The following ZNRF3 variants were observed in gnomAD, a reference collection of about 807,000 sequenced individuals.
ZNRF3 encodes E3 ubiquitin-protein ligase ZNRF3.
ZNRF3 carries 23 observed loss-of-function variants against 72.5 expected under a neutral mutation model. The ratio of observed to expected loss-of-function variants is 0.32; its 90% CI spans 0.23 to 0.45. The LOEUF is 0.45. Among genes scored for constraint, ZNRF3 ranks in the 20% least tolerant of loss-of-function variants. ZNRF3 has a pLI of 1.00. For missense variants in ZNRF3, 1,169 were observed against 1,272.1 expected (o/e 0.92, Z 1.23); for synonymous variants, 610 against 545.3 (o/e 1.12, Z -1.65).
chr22:29,003,513 CAA>C (rs796336147), intron 2 of ZNRF3, among the ~76,000 whole-genome samples: 25 of 103,088 alleles, frequency 2.4e-4, no homozygotes, highest in Non-Finnish European at 2.5e-4. Flanking sequence ...GACTCCGACT[CAA>C]AAAAAAAAAA....
chr22:28,941,490 C>T (rs1177073436), intron 1 of ZNRF3, among the ~76,000 whole-genome samples: 1 of 152,038 alleles, frequency 6.6e-6, no homozygotes, highest in Non-Finnish European at 1.5e-5. Context: ...TTCTCTTTTC[C>T]ACTTGGCTGA....
intron 1 of ZNRF3, among the ~76,000 whole-genome samples, chr22:28,939,355 T>C (rs1228447606): frequency 6.6e-6 from 1 of 151,642 alleles, no homozygotes; most frequent in South Asian, 2.1e-4. Flanking sequence ...AATAAATACA[T>C]ATAAGAAGTA....
At chr22:28,910,525 G>A (rs1006836067) in intron 1 of ZNRF3, among the ~76,000 whole-genome samples, 1 of 152,198 alleles carries the variant, frequency 6.6e-6, no homozygotes, top group African/African-American at 2.4e-5. Context: ...TCTGGCTGTG[G>A]TTTGCTTTCT....
intron 2 of ZNRF3, among the ~76,000 whole-genome samples, chr22:28,995,171 C>T (rs532840954): frequency 2.0e-5 from 3 of 152,318 alleles, no homozygotes; most frequent in East Asian, 1.9e-4. Context: ...GGGTGGCTCA[C>T]GCCTGTAATC....
At chr22:28,955,050 T>TG (rs1264400806) in intron 1 of ZNRF3, among the ~76,000 whole-genome samples, 19 of 150,668 alleles carry the variant, frequency 1.3e-4, no homozygotes, top group African/African-American at 4.4e-4. Flanking sequence ...TTTTTTGTTT[T>TG]TTTTTTTTGA....
intron 1 of ZNRF3, among the ~76,000 whole-genome samples, chr22:28,971,717 T>A (rs943458060): frequency 6.6e-6 from 1 of 152,126 alleles, no homozygotes; most frequent in African/African-American, 2.4e-5. Flanking sequence ...AAATAAGAAA[T>A]TTTTAAGAGA....
At chr22:28,956,353 C>CTTTTTT (rs61155224) in intron 1 of ZNRF3, among the ~76,000 whole-genome samples, 8 of 110,432 alleles carry the variant, frequency 7.2e-5, no homozygotes, top group Non-Finnish European at 1.1e-4. Flanking sequence ...TTTCCATTTC[C>CTTTTTT]TTTTTTTTTT....
intron 2 of ZNRF3, among the ~76,000 whole-genome samples, chr22:29,005,705 G>A (rs1240931846): frequency 3.9e-5 from 6 of 152,160 alleles, no homozygotes; most frequent in Non-Finnish European, 1.5e-5. Context: ...GGGGAATGAA[G>A]CCTCTCACAT....
At chr22:29,020,078 A>G (rs2036503757) in intron 2 of ZNRF3, among the ~76,000 whole-genome samples, 1 of 151,840 alleles carries the variant, frequency 6.6e-6, no homozygotes, top group African/African-American at 2.4e-5. Flanking sequence ...TGGCGGTAGT[A>G]TTTGCATATA....
At position 29,048,555 on chromosome 22, in the gene ZNRF3, C is replaced by A; in HGVS notation, c.1015+64C>A. 1 of 1,528,188 alleles carries A rather than the reference C, an allele frequency of 6.5e-7. No individual in the cohort carries two copies. Among genetic ancestry groups the A allele is most frequent in the South Asian group, 1.1e-5 (1 of 88,220 alleles). 94.7% of individuals were successfully genotyped at this position (1,528,188 alleles called of 1,614,324 possible). On this transcript the variant is annotated intron_variant, in intron 7 of 8. Coordinates refer to ENST00000544604, the MANE Select transcript of ZNRF3 (RefSeq NM_001206998.2). This position sits in a 1 kb window ranked among gnomAD's most constrained non-coding sequence, Gnocchi z 4.9. ...GTGCCTAGCTAGAGTGTGACACACACCGCAGGCTTGGGAACACTCAGAACC... is the reference window on the plus strand; with the variant it reads ...GTGCCTAGCTAGAGTGTGACACACAACGCAGGCTTGGGAACACTCAGAACC...
intron 3 of ZNRF3, among the ~76,000 whole-genome samples, 197 bp downstream of exon 3, chr22:29,042,766 A>AGG (rs67028298): frequency 6.6e-6 from 1 of 151,504 alleles, no homozygotes. Context: ...ATTGGGGCAC[A>AGG]GGGGGCATTT....
chr22:28,893,440 C>A (rs1269676443), intron 1 of ZNRF3, among the ~76,000 whole-genome samples: 1 of 151,616 alleles, frequency 6.6e-6, no homozygotes, highest in Non-Finnish European at 1.5e-5. Context: ...CTGCAGTGAG[C>A]CTTGCAGCTA....
chr22:28,979,990 G>A (rs5762929), intron 1 of ZNRF3, among the ~76,000 whole-genome samples: 3,518 of 152,326 alleles, frequency 0.023, 118 homozygotes, highest in East Asian at 0.095. Flanking sequence ...AATGCAAATG[G>A]ACATGACAGG....
chr22:28,892,573 A>C (rs1188628252), intron 1 of ZNRF3, among the ~76,000 whole-genome samples: 3 of 152,182 alleles, frequency 2.0e-5, no homozygotes, highest in African/African-American at 7.2e-5. Flanking sequence ...TTGTAGCTTG[A>C]ATGAGATGTT....
At chr22:29,045,004 G>A (rs1601707082) in intron 5 of ZNRF3, 114 bp downstream of exon 5, 1 of 750,844 alleles carries the variant, frequency 1.3e-6, no homozygotes, top group Non-Finnish European at 2.3e-6. Context: ...CCTCACAGCT[G>A]TGGACTCTGA....
At chr22:28,888,025 A>G (rs530517527) in intron 1 of ZNRF3, among the ~76,000 whole-genome samples, 1 of 152,284 alleles carries the variant, frequency 6.6e-6, no homozygotes, top group African/African-American at 2.4e-5. Context: ...TGTAGAAGGA[A>G]TCTGAATGAC....
At chr22:28,918,548 G>A (rs1363575959) in intron 1 of ZNRF3, among the ~76,000 whole-genome samples, 8,801 of 106,706 alleles carry the variant, frequency 0.082, 494 homozygotes, top group African/African-American at 0.18. Flanking sequence ...GTGTGTGTGT[G>A]TGTGTGTGTG....
chr22:28,987,290 G>A (rs2035871567), intron 2 of ZNRF3, 89 bp downstream of exon 2: 2 of 1,532,882 alleles, frequency 1.3e-6, no homozygotes. Flanking sequence ...TGATTATGGA[G>A]AAGAGCCATG....
At chr22:29,023,831 C>T (rs1389970178) in intron 2 of ZNRF3, among the ~76,000 whole-genome samples, 1 of 152,200 alleles carries the variant, frequency 6.6e-6, no homozygotes, top group Non-Finnish European at 1.5e-5. Flanking sequence ...CCCCAAATGC[C>T]AGCCAGTTCC....
Sources: allele counts gnomAD v4.1 joint callset (sites outside exome capture counted in the v4.1 genomes callset), GRCh38; gene constraint gnomAD v4.1.1; non-coding constraint Gnocchi (gnomAD v3.1); transcripts MANE v1.5; gene names NCBI Gene and HGNC (gene_info 2026-07-23, HGNC 2026-07-21).